The following PARL variants were observed in gnomAD, a reference collection of about 807,000 sequenced individuals.
The protein encoded by PARL is presenilin-associated rhomboid-like protein, mitochondrial.
In PARL, 44 loss-of-function variants were observed where a neutral mutation model predicts 51.6. The ratio of observed to expected loss-of-function variants is 0.85; its 90% CI spans 0.67 to 1.10. The LOEUF (loss-of-function observed/expected upper bound fraction) is 1.10, where lower values mean the gene tolerates loss of function less well. Ranked by LOEUF, PARL falls within the 50% of genes least tolerant of loss-of-function variation. The pLI is 0.00. For synonymous variants in PARL, 172 were observed against 164.0 expected (o/e 1.05, Z -0.37); for missense variants, 441 against 469.5 (o/e 0.94, Z 0.56).
downstream of PARL, among the ~76,000 whole-genome samples, chr3:183,826,981 A>T (rs189297306): frequency 2.6e-5 from 4 of 152,258 alleles, no homozygotes; most frequent in Admixed American, 6.5e-5. Flanking sequence ...AAGGAAGTGT[A>T]ATTGAACTGA....
intron 4 of PARL, among the ~76,000 whole-genome samples, chr3:183,855,978 A>C (rs1472887023): frequency 6.6e-6 from 1 of 151,590 alleles, no homozygotes; most frequent in Non-Finnish European, 1.5e-5. Context: ...AAACAAAAAA[A>C]AAAACAAAAA....
chr3:183,853,506 C>T (rs951906971), intron 4 of PARL, among the ~76,000 whole-genome samples: 17 of 152,066 alleles, frequency 1.1e-4, no homozygotes, highest in Admixed American at 9.2e-4. Context: ...GAGCCGAGAT[C>T]GCTCCACTGC....
rs544432607 is a variant in PARL, at chr3:183,860,481, G to T, written c.511+2272C>A. On this transcript the variant is annotated intron_variant, in intron 4 of 9. Coordinates refer to ENST00000317096, the MANE Select transcript of PARL (RefSeq NM_018622.7). Reference sequence around the variant, plus strand: ...CTGCAGCATGACCATTCACATTTATGTTGTTCAAAGCAGCTTACATTCAAG... The same window carrying T: ...CTGCAGCATGACCATTCACATTTATTTTGTTCAAAGCAGCTTACATTCAAG... 1.5e-4 allele frequency among the ~76,000 whole-genome samples: 23 copies of T among 152,324 alleles called. 1 individual carries two copies. In the South Asian group the frequency reaches 2.5e-3, roughly 16 times the overall value.
At chr3:183,864,590 C>A (rs986416626) in intron 3 of PARL, among the ~76,000 whole-genome samples, 4 of 152,084 alleles carry the variant, frequency 2.6e-5, no homozygotes, top group Non-Finnish European at 1.5e-5. Context: ...TCCTGGCTAA[C>A]ACGGTGAAAC....
chr3:183,847,028 A>AT (rs1730034494), intron 4 of PARL, among the ~76,000 whole-genome samples: 1 of 152,204 alleles, frequency 6.6e-6, no homozygotes, highest in Non-Finnish European at 1.5e-5. Flanking sequence ...CAGACACCAC[A>AT]TAAAAACGGC....
At chr3:183,879,519 A>G (rs1465634749) in intron 1 of PARL, 1 of 153,100 alleles carries the variant, frequency 6.5e-6, no homozygotes, top group Non-Finnish European at 1.5e-5. Context: ...TGACAATTTG[A>G]GACACTGGAC....
chr3:183,878,312 A>G (rs1251237064), intron 1 of PARL, among the ~76,000 whole-genome samples: 12 of 152,114 alleles, frequency 7.9e-5, no homozygotes, highest in Admixed American at 7.9e-4. Flanking sequence ...ACCTTGCACA[A>G]TATTACTTCC....
intron 1 of PARL, among the ~76,000 whole-genome samples, chr3:183,884,463 C>CAAT (rs1560445797): frequency 6.6e-6 from 1 of 152,030 alleles, no homozygotes. Context: ...ACGCAATGAA[C>CAAT]CCTCAGCTTA....
At chr3:183,830,036 A>T (rs1461102623) in intron 9 of PARL, among the ~76,000 whole-genome samples, 7 of 152,188 alleles carry the variant, frequency 4.6e-5, no homozygotes, top group Non-Finnish European at 1.0e-4. Flanking sequence ...AGTTTGTCCA[A>T]GGTGCTAATA....
At chr3:183,869,063 C>T (rs895856105) in intron 1 of PARL, among the ~76,000 whole-genome samples, 4 of 152,132 alleles carry the variant, frequency 2.6e-5, no homozygotes, top group Admixed American at 1.3e-4. Context: ...CTTTAACTCC[C>T]GGTATCTTCC....
At chr3:183,865,514 G>C (rs983906615) in intron 3 of PARL, among the ~76,000 whole-genome samples, 3 of 152,178 alleles carry the variant, frequency 2.0e-5, no homozygotes, top group African/African-American at 7.2e-5. Context: ...CCTCCTGTCA[G>C]ATCAGTGGCT....
At chr3:183,840,543 A>AAT (rs1172362845) in intron 7 of PARL, 27 bp downstream of exon 7, 2 of 1,147,824 alleles carry the variant, frequency 1.7e-6, no homozygotes, top group African/African-American at 3.1e-5. Flanking sequence ...AATTAAATTA[A>AAT]AAAAAATTTA....
chr3:183,876,630 A>G (rs1369097856), intron 1 of PARL, among the ~76,000 whole-genome samples: 2 of 122,406 alleles, frequency 1.6e-5, no homozygotes, highest in East Asian at 2.3e-4. Flanking sequence ...AAAAAAAAAA[A>G]AAAAAAAAGA....
At chr3:183,859,808 A>G (rs1731597200) in intron 4 of PARL, among the ~76,000 whole-genome samples, 1 of 152,238 alleles carries the variant, frequency 6.6e-6, no homozygotes, top group African/African-American at 2.4e-5. Context: ...TATTTGGATT[A>G]ACACTTTACT....
intron 1 of PARL, among the ~76,000 whole-genome samples, chr3:183,882,222 A>AAAT (rs1401913573): frequency 2.2e-5 from 1 of 46,112 alleles, no homozygotes; most frequent in East Asian, 1.3e-3. Context: ...AAAAAAAAAA[A>AAAT]ATATATATAT....
At chr3:183,864,877 T>C (rs1732272332) in intron 3 of PARL, among the ~76,000 whole-genome samples, 1 of 148,674 alleles carries the variant, frequency 6.7e-6, no homozygotes, top group Non-Finnish European at 1.5e-5. Context: ...ATAAAGTAAA[T>C]GAAAAGCTCT....
At chr3:183,829,768 G>T in intron 9 of PARL, 59 bp from the exon 10 acceptor site, 1 of 1,341,720 alleles carries the variant, frequency 7.5e-7, no homozygotes, top group Non-Finnish European at 1.1e-6. Context: ...ATGGTAAGTA[G>T]CATGGTGACA....
intron 1 of PARL, chr3:183,879,816 A>C (rs1008771181): frequency 1.2e-4 from 32 of 268,516 alleles, no homozygotes; most frequent in Non-Finnish European, 1.8e-4. Context: ...TCTAGAGTTC[A>C]AGTGATTCCC....
intron 4 of PARL, among the ~76,000 whole-genome samples, chr3:183,861,854 C>A (rs1731869611): frequency 6.6e-6 from 1 of 152,186 alleles, no homozygotes; most frequent in Non-Finnish European, 1.5e-5. Context: ...CAGCTCACTG[C>A]AACCTCTGCC....
Sources: allele counts gnomAD v4.1 joint callset (sites outside exome capture counted in the v4.1 genomes callset), GRCh38; gene constraint gnomAD v4.1.1; transcripts MANE v1.5; gene names NCBI Gene and HGNC (gene_info 2026-07-23, HGNC 2026-07-21).